ATP5MC2: variants seen among roughly 807,000 people sequenced by gnomAD.
ATP5MC2 encodes the protein ATP synthase F(0) complex subunit C2, mitochondrial.
Under a neutral mutation model 13.5 loss-of-function variants are expected in ATP5MC2, and 11 were observed. The ratio of observed to expected loss-of-function variants is 0.81; its 90% CI spans 0.51 to 1.35. ATP5MC2 has a LOEUF of 1.35. Ranked by LOEUF, ATP5MC2 falls within the 40% of genes most tolerant of loss-of-function variation. The pLI is 0.00. For missense variants in ATP5MC2, 132 were observed against 175.0 expected (o/e 0.75, Z 1.39); for synonymous variants, 64 against 69.7 (o/e 0.92, Z 0.41).
In ATP5MC2 at chr12:53,672,487, C is replaced by T. The variant is rs10876480; in HGVS notation, c.39+89G>A. On this transcript the variant is annotated intron_variant, in intron 2 of 4. Transcript: ENST00000394349. ...TCTGCCCGCCTGGACCTCCTCTCCC[C>T]CAGCCTTGCTGTGAAGAACAAGGTC... 4 of 1,385,168 alleles carry T rather than the reference C, an allele frequency of 2.9e-6. No homozygotes were observed. In the African/African-American group the frequency reaches 5.8e-5, roughly 20 times the overall value. The allele number at this position is 1,385,168 out of a possible 1,614,324, so 85.8% of individuals were successfully genotyped here.
upstream of ATP5MC2, among the ~76,000 whole-genome samples, chr12:53,680,698 AT>A (rs60455195): frequency 0.34 from 52,000 of 151,742 alleles, 9,032 homozygotes; most frequent in South Asian, 0.39. Context: ...TGAAAAAAAA[AT>A]TATGAAATAT....
chr12:53,669,137 A>G lies in ATP5MC2; in HGVS notation c.311+11T>C. ...TATCAGATAACCAGTGGAGGGTCCAACTTATCTTACCTGGCATAACCAATG... is the reference window on the plus strand; with the variant it reads ...TATCAGATAACCAGTGGAGGGTCCAGCTTATCTTACCTGGCATAACCAATG... On this transcript the variant is annotated intron_variant, in intron 4 of 4. Transcript: ENST00000394349. 6.2e-7 allele frequency: 1 copy of G among 1,600,558 alleles called. No individual in the cohort carries two copies. Among genetic ancestry groups the G allele is most frequent in the Non-Finnish European group, 8.5e-7 (1 of 1,172,786 alleles).
upstream of ATP5MC2, chr12:53,676,329 G>A (rs1361039495): frequency 1.0e-5 from 14 of 1,365,584 alleles, no homozygotes; most frequent in Non-Finnish European, 1.1e-5. Context: ...AACGTGGACT[G>A]CGGTTTGGTC....
Position 53,670,494 on chromosome 12 carries a change from C to G in ATP5MC2, c.40-546G>C, listed in dbSNP as rs1384690677. Among the ~76,000 whole-genome samples the G allele has an allele frequency of 2.0e-5, 3 of 152,154 alleles. No homozygotes were observed. The East Asian group carries it at 5.8e-4, about 29-fold the overall frequency. On this transcript the variant is annotated intron_variant, in intron 2 of 4. Coordinates refer to ENST00000394349, the MANE Select transcript of ATP5MC2 (RefSeq NM_005176.7). ...CACCGTAGAGTACTGGTTGTTTACC[C>G]CTGTGATTGGGCAGGTGACTGGGAG... is the stretch of plus-strand genomic sequence containing the variant.
intron 4 of ATP5MC2, among the ~76,000 whole-genome samples, chr12:53,667,188 A>G (rs1476181073): frequency 2.0e-5 from 3 of 152,218 alleles, no homozygotes; most frequent in Admixed American, 6.5e-5. Context: ...CTCAAAAGAC[A>G]TTAAGAGAAC....
rs1042012167 is a variant in ATP5MC2 at position 53,676,036 on chromosome 12, A to G, written c.-32+17T>C. ...GCGTGCGCAGCGCACAGAGGGCTCTAGGTCCCAAGGCCTTACCTGCTCCCA... is the reference window on the plus strand; with the variant it reads ...GCGTGCGCAGCGCACAGAGGGCTCTGGGTCCCAAGGCCTTACCTGCTCCCA... On this transcript the variant is annotated intron_variant, in intron 1 of 4. Coordinates refer to ENST00000394349, the MANE Select transcript of ATP5MC2 (RefSeq NM_005176.7). 2 of 1,611,924 alleles carry G rather than the reference A, an allele frequency of 1.2e-6. No homozygotes were observed. The highest frequency in any genetic ancestry group is 1.7e-5 in the Admixed American group (1 of 59,642).
At position 53,665,329 on chromosome 12, in the gene ATP5MC2, G is replaced by A; in HGVS notation, c.411C>T (p.Ile137=). ...GACGGCTCCTTCACATGGCAAAGAG[G>A]ATGAGAAAGGCTACCATCAGACAAA... ...GLFCLMVAFL[I]LFAM Residue 137 remains isoleucine, a synonymous_variant, in exon 5 of 5, where the codon ATC becomes ATT. Coordinates refer to ENST00000394349, the MANE Select transcript of ATP5MC2 (RefSeq NM_005176.7). 1.9e-6 allele frequency: 3 copies of A among 1,612,198 alleles called. No individual in the cohort carries two copies. Among genetic ancestry groups the A allele is most frequent in the Non-Finnish European group, 2.5e-6 (3 of 1,179,486 alleles).
At chr12:53,667,975 AT>A (rs1944977303) in intron 4 of ATP5MC2, among the ~76,000 whole-genome samples, 4 of 53,052 alleles carry the variant, frequency 7.5e-5, no homozygotes, top group African/African-American at 1.1e-4. Flanking sequence ...ATATATATAT[AT>A]ATATATATAT....
In ATP5MC2 at chr12:53,672,637, G is replaced by A; in HGVS notation, c.-23C>T. 1 of 1,577,364 alleles carries A rather than the reference G, an allele frequency of 6.3e-7. No individual in the cohort carries two copies. Among genetic ancestry groups the A allele is most frequent in the Middle Eastern group, 1.7e-4 (1 of 5,844 alleles). On this transcript the variant is annotated 5_prime_UTR_variant, in exon 2 of 5. Transcript: ENST00000394349. The stretch of plus-strand genomic sequence containing the variant: ...CATTTTCAGGGGGTGAGGAGCTGTG[G>A]CAGGAGAGCTGGAATTACAGAAGCA...
chr12:53,665,937 C>G (rs1023596320), intron 4 of ATP5MC2, among the ~76,000 whole-genome samples: 9 of 152,206 alleles, frequency 5.9e-5, no homozygotes, highest in African/African-American at 2.2e-4. Context: ...TGGAACACCG[C>G]TCTTCTAGAA....
intron 4 of ATP5MC2, among the ~76,000 whole-genome samples, chr12:53,668,070 CCT>C (rs1389517719): frequency 1.4e-5 from 2 of 147,782 alleles, no homozygotes; most frequent in African/African-American, 4.9e-5. Context: ...CTCACTGTAA[CCT>C]CTGTCTCCCG....
intron 2 of ATP5MC2, among the ~76,000 whole-genome samples, chr12:53,671,309 T>C (rs941536878): frequency 3.9e-5 from 6 of 152,238 alleles, no homozygotes; most frequent in Admixed American, 2.0e-4. Flanking sequence ...TATCATCTCT[T>C]GGGGTTGATT....
intron 4 of ATP5MC2, 110 bp from the exon 5 acceptor site, chr12:53,665,538 A>G (rs935487460): frequency 3.2e-6 from 3 of 926,318 alleles, no homozygotes; most frequent in Non-Finnish European, 5.1e-6. Flanking sequence ...ATCTCACATA[A>G]TAAAGAAGCT....
intron 3 of ATP5MC2, among the ~76,000 whole-genome samples, chr12:53,669,594 T>C (rs1945033145): frequency 6.6e-6 from 1 of 152,188 alleles, no homozygotes. Flanking sequence ...ATCATCTTCC[T>C]AGGACTAAAT....
chr12:53,669,339 G>C lies in ATP5MC2; in HGVS notation c.120C>G (p.Ser40Arg), dbSNP rs2138026183. Reference sequence around the variant, plus strand: ...GACATGAGACTGCCAAGCTGCTGAGGCTCTGTGAAAAAGAGGCAGGTAGAA... The same window carrying C: ...GACATGAGACTGCCAAGCTGCTGAGCCTCTGTGAAAAAGAGGCAGGTAGAA... ...LKRPEILTDE[S>R]LSSLAVSCPL... The change falls in exon 4 of 5, where the codon AGC (serine) becomes AGG (arginine). Residue 40 changes from serine to arginine, a missense_variant and splice_region_variant. Physicochemically the swap from Ser to Arg is moderately radical, Grantham distance 110 (BLOSUM62 -1). Transcript: ENST00000394349. 6.2e-7 allele frequency: 1 copy of C among 1,610,674 alleles called. No individual in the cohort carries two copies. Among genetic ancestry groups the C allele is most frequent in the East Asian group, 2.2e-5 (1 of 44,834 alleles).
chr12:53,676,120 A>AGCGCT, upstream of ATP5MC2: 1 of 1,614,240 alleles, frequency 6.2e-7, no homozygotes, highest in Non-Finnish European at 8.5e-7. Flanking sequence ...GGCTCAGCGC[A>AGCGCT]TGCGTGACCC....
At chr12:53,672,222 C>T (rs1378384879) in intron 2 of ATP5MC2, among the ~76,000 whole-genome samples, 2 of 151,534 alleles carry the variant, frequency 1.3e-5, no homozygotes, top group Non-Finnish European at 2.9e-5. Flanking sequence ...TACTTATTTA[C>T]TTATTTATTT....
chr12:53,680,140 C>T (rs1351286281), upstream of ATP5MC2, among the ~76,000 whole-genome samples: 1 of 152,124 alleles, frequency 6.6e-6, no homozygotes, highest in African/African-American at 2.4e-5. Flanking sequence ...CATGCGCCAC[C>T]ATGCCCGGCT....
At chr12:53,667,997 A>ATATT (rs1944983859) in intron 4 of ATP5MC2, among the ~76,000 whole-genome samples, 4 of 126,836 alleles carry the variant, frequency 3.2e-5, no homozygotes, top group Non-Finnish European at 3.3e-5. Flanking sequence ...ATATATATAA[A>ATATT]TTTTTTTTTT....
Sources: allele counts gnomAD v4.1 joint callset (sites outside exome capture counted in the v4.1 genomes callset), GRCh38; gene constraint gnomAD v4.1.1; transcripts MANE v1.5; gene names NCBI Gene and HGNC (gene_info 2026-07-23, HGNC 2026-07-21).